Variants in SPTBN4 observed in about 807,000 individuals in gnomAD.
SPTBN4 encodes spectrin beta, non-erythrocytic 4.
SPTBN4 carries 96 observed loss-of-function variants against 277.8 expected under a neutral mutation model. The observed-to-expected ratio is 0.35, with a 90% confidence interval of 0.29 to 0.41. The LOEUF (loss-of-function observed/expected upper bound fraction) is 0.41. Ranked by LOEUF, SPTBN4 falls within the 10% of genes least tolerant of loss-of-function variation. SPTBN4 has a pLI of 1.00. For synonymous variants in SPTBN4, 1,481 were observed against 1,580.3 expected (o/e 0.94, Z 1.49); for missense variants, 3,006 against 3,595.7 (o/e 0.84, Z 4.19).
intron 13 of SPTBN4, among the ~76,000 whole-genome samples, chr19:40,512,061 T>G (rs2145863504): frequency 6.6e-6 from 1 of 152,266 alleles, no homozygotes; most frequent in South Asian, 2.1e-4. Context: ...AGGTGGAGGT[T>G]GCAGTGAACC....
chr19:40,502,350 G>T lies in SPTBN4; in HGVS notation c.1085+35G>T. On this transcript the variant is annotated intron_variant, in intron 9 of 35. Coordinates refer to ENST00000598249, the MANE Select transcript of SPTBN4 (RefSeq NM_020971.3). This position sits in a 1 kb window ranked among gnomAD's most constrained non-coding sequence, Gnocchi z 4.9. ...AGCTCTGGAGGGAGGGTGGGCAGGGGTGGCATGACGGCAGGGCTCCTGAGC... is the reference window on the plus strand; with the variant it reads ...AGCTCTGGAGGGAGGGTGGGCAGGGTTGGCATGACGGCAGGGCTCCTGAGC... The T allele has an allele frequency of 6.2e-7, 1 of 1,609,524 alleles. No individual in the cohort carries two copies. The highest frequency in any genetic ancestry group is 8.5e-7 in the Non-Finnish European group (1 of 1,177,236).
intron 20 of SPTBN4, among the ~76,000 whole-genome samples, chr19:40,536,397 A>G (rs1412306681): frequency 6.6e-6 from 1 of 152,058 alleles, no homozygotes; most frequent in Non-Finnish European, 1.5e-5. Flanking sequence ...TATTTTTAGT[A>G]GAGATGGGGT....
At chr19:40,548,367 T>C (rs2080880619) in intron 20 of SPTBN4, among the ~76,000 whole-genome samples, 1 of 152,084 alleles carries the variant, frequency 6.6e-6, no homozygotes, top group African/African-American at 2.4e-5. Context: ...GTCAGGTGCC[T>C]GTAGTCCCAG....
In SPTBN4 at chr19:40,534,129, G is replaced by A. The variant is rs572155600; in HGVS notation, c.4145G>A (p.Arg1382Gln). The stretch of plus-strand genomic sequence containing the variant: ...AAGCCCGAACTGGCGGCCTCCGTGC[G>A]GAAGAAGCTGGGCGAGATCCGCCAG... ...QEKPELAASV[R>Q]KKLGEIRQCW... Residue 1382 changes from arginine (R) to glutamine (Q), a missense_variant, in exon 20 of 36, where the codon CGG becomes CAG. Physicochemically the swap from Arg to Gln is conservative, Grantham distance 43. This residue lies in a region of SPTBN4 where 1,759 missense variants were observed against 2,061.5 expected (regional missense o/e 0.85). Coordinates refer to ENST00000598249, the MANE Select transcript of SPTBN4 (RefSeq NM_020971.3). The A allele has an allele frequency of 3.8e-5, 62 of 1,611,270 alleles. No individual in the cohort carries two copies. Among genetic ancestry groups the A allele is most frequent in the East Asian group, 2.5e-4 (11 of 44,804 alleles).
intron 13 of SPTBN4, among the ~76,000 whole-genome samples, chr19:40,510,934 T>C (rs913036259): frequency 6.6e-6 from 1 of 152,126 alleles, no homozygotes; most frequent in Non-Finnish European, 1.5e-5. Flanking sequence ...GGAGGATTAC[T>C]TGAGCCCAGG....
rs1308757783 is a variant in SPTBN4, at chr19:40,568,250, G to A, written c.6924G>A (p.Gln2308=). Residue 2308 remains glutamine, a synonymous_variant, in exon 31 of 36, where the codon CAG becomes CAA. Transcript: ENST00000598249. The stretch of plus-strand genomic sequence containing the variant: ...TGGAGCGGCAGGAGTCCAGCGAACA[G>A]GAGATGCCCATCAGAGGAGACCTGG... ...RRLERQESSE[Q]EMPIRGDLVK... is the part of the protein sequence containing the mutation. The A allele has an allele frequency of 1.9e-6, 3 of 1,603,962 alleles. No homozygotes were observed. In the South Asian group the frequency reaches 3.4e-5, roughly 18 times the overall value.
intron 13 of SPTBN4, among the ~76,000 whole-genome samples, chr19:40,511,528 G>A (rs774945374): frequency 1.3e-4 from 20 of 152,166 alleles, no homozygotes; most frequent in Non-Finnish European, 1.5e-5. Context: ...ACAAATGCTG[G>A]CTGTGACCCA....
chr19:40,512,886 C>G lies in SPTBN4; in HGVS notation c.2097C>G (p.Ala699=). 6.9e-7 allele frequency: 1 copy of G among 1,446,416 alleles called. No individual in the cohort carries two copies. The highest frequency in any genetic ancestry group is 1.5e-5 in the African/African-American group (1 of 66,682). The allele number at this position is 1,446,416 out of a possible 1,614,324, so 89.6% of individuals were successfully genotyped here. ...TGTCCAGCACAGCGCGCCTCCTGGC[C>G]CAGCACAAGATCCTGCAGGGCGAGC... The part of the protein sequence containing the change: ...HDLSSTARLL[A]QHKILQGELG... The change falls in exon 14 of 36, where the codon GCC becomes GCG. Residue 699 remains alanine (A), a synonymous_variant. Coordinates refer to ENST00000598249, the MANE Select transcript of SPTBN4 (RefSeq NM_020971.3).
Position 40,555,038 on chromosome 19 carries a change from G to C in SPTBN4, c.5084+392G>C, listed in dbSNP as rs2080961696. 2.4e-5 allele frequency: 5 copies of C among 206,926 alleles called. No individual in the cohort carries two copies. In the South Asian group the frequency reaches 3.3e-4, roughly 14 times the overall value. The allele number at this position is 206,926 out of a possible 1,614,324, so 12.8% of individuals were successfully genotyped here. A position where few individuals can be genotyped will look rare whatever the true frequency, so the allele number is the denominator to read the frequency against. On this transcript the variant is annotated intron_variant, in intron 24 of 35. Transcript: ENST00000598249. ...GGCTGGAGACCTCCTGGTGCAGTGG[G>C]GTGATGTTGCCTCGTGTAGGCGGAT...
intron 25 of SPTBN4, 27 bp downstream of exon 25, chr19:40,556,315 C>T (rs760799003): frequency 4.4e-6 from 7 of 1,583,488 alleles, no homozygotes; most frequent in East Asian, 2.2e-5. Flanking sequence ...ATAAGTGATA[C>T]CAGGAGCTAC....
chr19:40,537,589 C>T (rs1336399084), intron 20 of SPTBN4, among the ~76,000 whole-genome samples: 1 of 152,158 alleles, frequency 6.6e-6, no homozygotes, highest in Non-Finnish European at 1.5e-5. Flanking sequence ...ACTGTTAACT[C>T]CTCTCTCCTC....
intron 20 of SPTBN4, among the ~76,000 whole-genome samples, chr19:40,542,697 C>T (rs761739995): frequency 5.9e-5 from 9 of 151,758 alleles, no homozygotes; most frequent in Non-Finnish European, 1.0e-4. Context: ...GTATCCAGCT[C>T]AGCATGGCCT....
chr19:40,549,934 C>T (rs1293678617), intron 21 of SPTBN4, among the ~76,000 whole-genome samples: 3 of 152,156 alleles, frequency 2.0e-5, no homozygotes, highest in Admixed American at 2.0e-4. Flanking sequence ...CAAAGGCCAA[C>T]GGTGTGAGCC....
At chr19:40,562,400 T>TGG (rs1404314938) in intron 27 of SPTBN4, among the ~76,000 whole-genome samples, 1 of 151,726 alleles carries the variant, frequency 6.6e-6, no homozygotes, top group African/African-American at 2.4e-5. Context: ...TGTTGTGGCA[T>TGG]GTGCCTGTAG....
In SPTBN4 at chr19:40,515,301, C is replaced by A; in HGVS notation, c.2766-10C>A. 1 of 1,612,080 alleles carries A rather than the reference C, an allele frequency of 6.2e-7. No homozygotes were observed. On this transcript the variant is annotated splice_polypyrimidine_tract_variant and intron_variant, in intron 14 of 35. Coordinates refer to ENST00000598249, the MANE Select transcript of SPTBN4 (RefSeq NM_020971.3). This position sits in a 1 kb window ranked among gnomAD's most constrained non-coding sequence, Gnocchi z 4.1. ...GGTTCGGGTGTCTGAGCATCTCCAT[C>A]CTCCTGCAGATTCGAGAGCCTGGAC...
At position 40,552,040 on chromosome 19, in the gene SPTBN4, G is replaced by A. The variant is rs113017197; in HGVS notation, c.4674+1713G>A. ...ATTAAAGATTTACTAAGTGCTGGCT[G>A]GGTGCAGTGGCTCATGCCTGTAATC... On this transcript the variant is annotated intron_variant, in intron 22 of 35. Transcript: ENST00000598249. 6.5e-3 allele frequency among the ~76,000 whole-genome samples: 971 copies of A among 149,660 alleles called. 20 individuals carry two copies. Among genetic ancestry groups the A allele is most frequent in the African/African-American group, 0.023 (925 of 40,694 alleles).
At chr19:40,531,460 GTTTGTTTTTTTTTTTTTT>G (rs2080670396) in intron 18 of SPTBN4, among the ~76,000 whole-genome samples, 2 of 81,402 alleles carry the variant, frequency 2.5e-5, no homozygotes, top group African/African-American at 1.0e-4. Flanking sequence ...GGAGTCCAGT[GTTTGTTTTTTTTTTTTTT>G]TTTTTTTTTT....
At chr19:40,488,781 G>A (rs2080102689) in intron 3 of SPTBN4, among the ~76,000 whole-genome samples, 1 of 152,128 alleles carries the variant, frequency 6.6e-6, no homozygotes, top group Non-Finnish European at 1.5e-5. Flanking sequence ...CTGCTCTGCA[G>A]CCTGGGCGAC....
chr19:40,542,015 G>A (rs2080807438), intron 20 of SPTBN4, among the ~76,000 whole-genome samples: 1 of 152,228 alleles, frequency 6.6e-6, no homozygotes, highest in South Asian at 2.1e-4. Context: ...TCCGCCTCCC[G>A]GATTCCAGCG....
Sources: allele counts gnomAD v4.1 joint callset (sites outside exome capture counted in the v4.1 genomes callset), GRCh38; gene constraint gnomAD v4.1.1; regional missense constraint gnomAD v4.1.1; non-coding constraint Gnocchi (gnomAD v3.1); transcripts MANE v1.5; gene names NCBI Gene and HGNC (gene_info 2026-07-23, HGNC 2026-07-21).